EEFSEC: variants seen among roughly 807,000 people sequenced by gnomAD.
EEFSEC encodes the protein eukaryotic elongation factor, selenocysteine-tRNA specific.
EEFSEC carries 43 observed loss-of-function variants against 42.1 expected under a neutral mutation model. That is an observed-to-expected ratio of 1.02 (90% CI 0.80 to 1.32). The LOEUF (loss-of-function observed/expected upper bound fraction) is 1.32. EEFSEC is among the 40% of genes most tolerant of loss of function. The pLI, the probability that EEFSEC is intolerant of heterozygous loss-of-function variation, is 0.00. For missense variants in EEFSEC, 745 were observed against 803.6 expected (o/e 0.93, Z 0.88); for synonymous variants, 354 against 339.1 (o/e 1.04, Z -0.48).
At chr3:128,288,682 A>T (rs1372357762) in intron 4 of EEFSEC, among the ~76,000 whole-genome samples, 1 of 152,250 alleles carries the variant, frequency 6.6e-6, no homozygotes, top group African/African-American at 2.4e-5. Flanking sequence ...TTGCAGGTGA[A>T]CATGTTGACT....
At chr3:128,397,959 G>T (rs1037402757) in intron 6 of EEFSEC, among the ~76,000 whole-genome samples, 3 of 152,216 alleles carry the variant, frequency 2.0e-5, no homozygotes, top group Non-Finnish European at 2.9e-5. Flanking sequence ...GCTGGTAGGT[G>T]GTCGGCAGAC....
chr3:128,220,700 A>G (rs1213200242), intron 1 of EEFSEC, among the ~76,000 whole-genome samples: 1 of 152,222 alleles, frequency 6.6e-6, no homozygotes, highest in Non-Finnish European at 1.5e-5. Context: ...CCAGTACAGA[A>G]TGATGCCAGC....
intron 4 of EEFSEC, among the ~76,000 whole-genome samples, chr3:128,278,984 A>G (rs1157153691): frequency 6.6e-6 from 1 of 152,198 alleles, no homozygotes; most frequent in African/African-American, 2.4e-5. Flanking sequence ...AGCTTGTTTG[A>G]TTCAAAACTA....
chr3:128,348,370 A>C (rs994971364), intron 5 of EEFSEC, among the ~76,000 whole-genome samples: 1 of 151,984 alleles, frequency 6.6e-6, no homozygotes, highest in Non-Finnish European at 1.5e-5. Flanking sequence ...TTCTCATACT[A>C]TCATAGAATG....
intron 1 of EEFSEC, among the ~76,000 whole-genome samples, chr3:128,237,429 A>G (rs2999081): frequency 0.84 from 127,626 of 152,124 alleles, 54,008 homozygotes; most frequent in East Asian, 0.99. Context: ...ATTTATTCTG[A>G]TGTCATGTGT....
intron 2 of EEFSEC, among the ~76,000 whole-genome samples, chr3:128,260,436 C>T (rs548240508): frequency 2.6e-5 from 4 of 152,192 alleles, no homozygotes; most frequent in African/African-American, 9.7e-5. Context: ...CACAGCTTCC[C>T]TCAGGCAGCT....
At chr3:128,206,991 C>T (rs1355323137) in intron 1 of EEFSEC, among the ~76,000 whole-genome samples, 2 of 152,168 alleles carry the variant, frequency 1.3e-5, no homozygotes, top group Non-Finnish European at 2.9e-5. Flanking sequence ...GCACTTCTGC[C>T]TGCAGCTGAG....
At chr3:128,272,221 T>A (rs1308285103) in intron 4 of EEFSEC, among the ~76,000 whole-genome samples, 1 of 152,188 alleles carries the variant, frequency 6.6e-6, no homozygotes, top group African/African-American at 2.4e-5. Flanking sequence ...CAGTGCTACT[T>A]GTGGTTGACT....
At chr3:128,200,253 G>A (rs1012574265) in intron 1 of EEFSEC, among the ~76,000 whole-genome samples, 7 of 152,056 alleles carry the variant, frequency 4.6e-5, no homozygotes, top group African/African-American at 1.4e-4. Flanking sequence ...GTTCTGTGGC[G>A]GTAACACAAG....
At chr3:128,366,264 G>A (rs944235054) in intron 6 of EEFSEC, among the ~76,000 whole-genome samples, 1 of 152,252 alleles carries the variant, frequency 6.6e-6, no homozygotes, top group African/African-American at 2.4e-5. Context: ...ATGGGCTGGT[G>A]ACCAGAAGGA....
intron 1 of EEFSEC, among the ~76,000 whole-genome samples, chr3:128,172,540 C>G (rs2065309616): frequency 6.6e-6 from 1 of 152,170 alleles, no homozygotes; most frequent in African/African-American, 2.4e-5. Flanking sequence ...CTCAAGTGAT[C>G]CTCCTGCTTT....
intron 4 of EEFSEC, among the ~76,000 whole-genome samples, chr3:128,300,806 A>G (rs962886668): frequency 3.3e-5 from 5 of 152,184 alleles, no homozygotes; most frequent in Non-Finnish European, 5.9e-5. Context: ...AAGTTTGACA[A>G]TTTGAAAATT....
the EEFSEC span, among the ~76,000 whole-genome samples, chr3:128,414,698 A>G: frequency 6.6e-6 from 1 of 152,310 alleles, no homozygotes; most frequent in South Asian, 2.1e-4. Flanking sequence ...TCATCACCTC[A>G]TAGCGTAACT....
intron 1 of EEFSEC, among the ~76,000 whole-genome samples, chr3:128,212,925 G>A (rs555882978): frequency 3.7e-4 from 57 of 152,320 alleles, no homozygotes; most frequent in African/African-American, 1.3e-3. Context: ...TGCCTTCCTG[G>A]GAGCATGGCA....
chr3:128,418,660 C>T, the EEFSEC span, among the ~76,000 whole-genome samples: 1 of 151,846 alleles, frequency 6.6e-6, no homozygotes, highest in Non-Finnish European at 1.5e-5. Flanking sequence ...CCAGCACCCC[C>T]CAACTTTGCC....
At chr3:128,155,113 T>G (rs1944353457) in intron 1 of EEFSEC, among the ~76,000 whole-genome samples, 1 of 152,094 alleles carries the variant, frequency 6.6e-6, no homozygotes, top group Non-Finnish European at 1.5e-5. Context: ...TTTTTGTTTT[T>G]TTGTTTTTTT....
At chr3:128,321,454 C>T (rs2067007327) in intron 4 of EEFSEC, among the ~76,000 whole-genome samples, 1 of 152,112 alleles carries the variant, frequency 6.6e-6, no homozygotes. Flanking sequence ...ACCTGTCCCT[C>T]TCCCTTCCTG....
rs759634087 is a variant in EEFSEC, at chr3:128,388,105, G to A, written c.1601-19964G>A. The stretch of plus-strand genomic sequence containing the variant: ...AGGTCCTCACTCTGAACTGGCAGTG[G>A]CAGAACCACGACTTGAGAAAAAAAG... On this transcript the variant is annotated intron_variant, in intron 6 of 6. Transcript: ENST00000254730. Among the ~76,000 whole-genome samples the A allele has an allele frequency of 3.9e-4, 59 of 152,220 alleles. 1 individual carries two copies. Among genetic ancestry groups the A allele is most frequent in the Admixed American group, 3.3e-4 (5 of 15,284 alleles).
intron 6 of EEFSEC, among the ~76,000 whole-genome samples, chr3:128,406,336 G>C (rs565279880): frequency 6.6e-6 from 1 of 152,324 alleles, no homozygotes; most frequent in South Asian, 2.1e-4. Context: ...GAGGGTAGAA[G>C]GGTGGTTGTG....
Sources: gnomAD v4.1 joint callset for allele counts (sites outside exome capture counted in the v4.1 genomes callset) on GRCh38, gnomAD v4.1.1 for gene constraint, MANE v1.5 for transcripts, NCBI Gene and HGNC (gene_info 2026-07-23, HGNC 2026-07-21) for gene names.